Variants in GALNT13 observed in about 807,000 individuals in gnomAD.
GALNT13 encodes polypeptide N-acetylgalactosaminyltransferase 13.
Under a neutral mutation model 64.2 loss-of-function variants are expected in GALNT13, and 28 were observed. The ratio of observed to expected loss-of-function variants is 0.44; its 90% CI spans 0.32 to 0.60. The LOEUF is 0.60. Among genes scored for constraint, GALNT13 ranks in the 20% least tolerant of loss-of-function variants. The pLI is 0.05. For missense variants in GALNT13, 577 were observed against 669.8 expected, an observed-to-expected ratio of 0.86 and a Z score of 1.53; for synonymous variants, 214 against 224.6, an observed-to-expected ratio of 0.95 and a Z score of 0.42.
At chr2:153,208,421 T>A in the GALNT13 span, among the ~76,000 whole-genome samples, 1 of 152,058 alleles carries the variant, frequency 6.6e-6, no homozygotes, top group Non-Finnish European at 1.5e-5. Flanking sequence ...TGTTGCCTTT[T>A]GTGTTTTGAG....
the GALNT13 span, among the ~76,000 whole-genome samples, chr2:153,190,749 T>C: frequency 1.3e-5 from 2 of 152,092 alleles, no homozygotes; most frequent in African/African-American, 4.8e-5. Flanking sequence ...TCTCTTCGAT[T>C]TCTTTCATTA....
At chr2:153,403,799 T>G in the GALNT13 span, among the ~76,000 whole-genome samples, 1 of 152,136 alleles carries the variant, frequency 6.6e-6, no homozygotes, top group Non-Finnish European at 1.5e-5. Flanking sequence ...GTGCACGGTG[T>G]GCTCACCCAC....
chr2:153,521,206 C>G, the GALNT13 span, among the ~76,000 whole-genome samples: 1 of 151,760 alleles, frequency 6.6e-6, no homozygotes, highest in African/African-American at 2.4e-5. Flanking sequence ...TTAACTCATT[C>G]TAATTTTTCA....
At chr2:153,886,527 T>G (rs1687192401) in intron 1 of GALNT13, among the ~76,000 whole-genome samples, 1 of 151,998 alleles carries the variant, frequency 6.6e-6, no homozygotes, top group Admixed American at 6.6e-5. Flanking sequence ...CTCAGCAAAC[T>G]ATAGCAAAGA....
At chr2:153,803,488 C>T in the GALNT13 span, among the ~76,000 whole-genome samples, 47 of 152,008 alleles carry the variant, frequency 3.1e-4, no homozygotes, top group East Asian at 3.9e-4. Flanking sequence ...GTCAGGAGAT[C>T]GAGACCATCC....
chr2:153,656,317 A>AGTGTGTGTGT, the GALNT13 span, among the ~76,000 whole-genome samples: 2,134 of 149,436 alleles, frequency 0.014, 38 homozygotes, highest in African/African-American at 0.034. Context: ...GACTTAAAGA[A>AGTGTGTGTGT]GTGTGTGTGT....
At chr2:153,610,313 T>C in the GALNT13 span, among the ~76,000 whole-genome samples, 68 of 152,084 alleles carry the variant, frequency 4.5e-4, no homozygotes, top group African/African-American at 1.6e-3. Context: ...GAAAACAGGA[T>C]GCAAAAAAGG....
the GALNT13 span, among the ~76,000 whole-genome samples, chr2:153,416,889 G>A: frequency 6.6e-6 from 1 of 152,186 alleles, no homozygotes; most frequent in African/African-American, 2.4e-5. Flanking sequence ...AATCAGTTGT[G>A]GGCTGTCTTT....
chr2:154,368,091 A>T (rs972700526), intron 9 of GALNT13, among the ~76,000 whole-genome samples: 2 of 152,180 alleles, frequency 1.3e-5, no homozygotes, highest in African/African-American at 4.8e-5. Context: ...TAGAATAAAC[A>T]TCTATATATA....
At chr2:154,155,753 G>A (rs1684376515) in intron 4 of GALNT13, among the ~76,000 whole-genome samples, 1 of 151,852 alleles carries the variant, frequency 6.6e-6, no homozygotes, top group South Asian at 2.1e-4. Context: ...GTTTAAATTA[G>A]AAAATTTATA....
At chr2:154,046,700 G>C (rs572168971) in intron 3 of GALNT13, among the ~76,000 whole-genome samples, 1 of 152,080 alleles carries the variant, frequency 6.6e-6, no homozygotes, top group Non-Finnish European at 1.5e-5. Flanking sequence ...AGCTCAACAG[G>C]GTGGGGCCCT....
At chr2:153,226,551 G>A in the GALNT13 span, among the ~76,000 whole-genome samples, 1 of 152,018 alleles carries the variant, frequency 6.6e-6, no homozygotes, top group Non-Finnish European at 1.5e-5. Flanking sequence ...ACCTTGTGAG[G>A]TTCTTCCCCA....
the GALNT13 span, among the ~76,000 whole-genome samples, chr2:153,840,175 A>G: frequency 6.6e-6 from 1 of 152,150 alleles, no homozygotes; most frequent in East Asian, 1.9e-4. Context: ...AAACTAACAC[A>G]TAGTTCAGTG....
At chr2:153,843,461 C>T in the GALNT13 span, among the ~76,000 whole-genome samples, 6 of 152,308 alleles carry the variant, frequency 3.9e-5, no homozygotes, top group African/African-American at 1.4e-4. Context: ...CCAGACCCCA[C>T]CTCTAGCACT....
the GALNT13 span, among the ~76,000 whole-genome samples, chr2:153,423,655 A>C: frequency 2.0e-5 from 3 of 151,918 alleles, no homozygotes; most frequent in Non-Finnish European, 4.4e-5. Flanking sequence ...GCAAACAAAA[A>C]TATAATTTCA....
At chr2:153,981,100 G>A (rs944223542) in intron 3 of GALNT13, among the ~76,000 whole-genome samples, 3 of 151,952 alleles carry the variant, frequency 2.0e-5, no homozygotes, top group African/African-American at 4.8e-5. Context: ...GCCATGAAAG[G>A]CAACTATCAT....
At chr2:154,288,969 C>T (rs994086018) in intron 8 of GALNT13, among the ~76,000 whole-genome samples, 1 of 152,222 alleles carries the variant, frequency 6.6e-6, no homozygotes, top group Non-Finnish European at 1.5e-5. Context: ...GGGCTTGCAC[C>T]CCACATTTCC....
rs1701897572 is a variant in GALNT13 at position 154,452,196 on chromosome 2, C to T, written c.*1645C>T. The T allele has an allele frequency of 6.6e-6, 1 of 152,054 alleles. No homozygotes were observed. Among genetic ancestry groups the T allele is most frequent in the African/African-American group, 2.4e-5 (1 of 41,430 alleles). The allele number at this position is 152,054 out of a possible 1,614,324, so 9.4% of individuals were successfully genotyped here. On this transcript the variant is annotated 3_prime_UTR_variant, in exon 13 of 13. Transcript: ENST00000392825. Reference sequence around the variant, plus strand: ...CCCTCACCATGAGCTCTCTGTGAATCCGTGAATTTCCTAAAATTGTAAGCA... The same window carrying T: ...CCCTCACCATGAGCTCTCTGTGAATTCGTGAATTTCCTAAAATTGTAAGCA...
intron 7 of GALNT13, among the ~76,000 whole-genome samples, chr2:154,257,927 A>G (rs1382932631): frequency 6.6e-6 from 1 of 152,176 alleles, no homozygotes; most frequent in Non-Finnish European, 1.5e-5. Flanking sequence ...GCAGTACATT[A>G]GAAGTACATA....
Sources: allele counts gnomAD v4.1 joint callset (sites outside exome capture counted in the v4.1 genomes callset), GRCh38; gene constraint gnomAD v4.1.1; transcripts MANE v1.5; gene names NCBI Gene and HGNC (gene_info 2026-07-23, HGNC 2026-07-21).